TBCD: variants seen among roughly 807,000 people sequenced by gnomAD.
TBCD encodes the protein tubulin-specific chaperone D.
In TBCD, 105 loss-of-function variants were observed where a neutral mutation model predicts 169.3. The ratio of observed to expected loss-of-function variants is 0.62; its 90% CI spans 0.53 to 0.73. The LOEUF (loss-of-function observed/expected upper bound fraction) is 0.73. TBCD is among the 30% of genes least tolerant of loss of function. The pLI is 0.00. For synonymous variants in TBCD, 700 were observed against 643.9 expected (o/e 1.09, Z -1.32); for missense variants, 1,444 against 1,600.1 (o/e 0.90, Z 1.66).
chr17:82,776,786 C>T (rs1339417946), intron 6 of TBCD, among the ~76,000 whole-genome samples: 1 of 152,196 alleles, frequency 6.6e-6, no homozygotes, highest in African/African-American at 2.4e-5. Context: ...GTCTGCACAC[C>T]TGGTGGCTCT....
In TBCD at chr17:82,927,270, G is replaced by C. The variant is rs1426711094; in HGVS notation, c.2556G>C (p.Leu852=). 6.2e-7 allele frequency: 1 copy of C among 1,614,026 alleles called. No homozygotes were observed. Among genetic ancestry groups the C allele is most frequent in the East Asian group, 2.2e-5 (1 of 44,888 alleles). The stretch of plus-strand genomic sequence containing the variant: ...ATGTTTCCCAGATTTACTGTGCGCT[G>C]CTGGGCTGCATGGACGACTACACCA... ...GENVSQIYCA[L]LGCMDDYTTD... is the part of the protein sequence containing the mutation. Residue 852 remains leucine, a synonymous_variant, in exon 29 of 39, where the codon CTG becomes CTC. Coordinates refer to ENST00000355528, the MANE Select transcript of TBCD (RefSeq NM_005993.5).
At chr17:82,892,246 C>G (rs959370588) in intron 16 of TBCD, among the ~76,000 whole-genome samples, 1 of 152,120 alleles carries the variant, frequency 6.6e-6, no homozygotes, top group East Asian at 1.9e-4. Flanking sequence ...GGATGTTTCC[C>G]TGGGCTCCTG....
chr17:82,887,443 C>G (rs2058834874), intron 15 of TBCD, among the ~76,000 whole-genome samples: 1 of 152,160 alleles, frequency 6.6e-6, no homozygotes, highest in African/African-American at 2.4e-5. Context: ...CTCGGCACAG[C>G]TCTCTGGAGA....
intron 13 of TBCD, chr17:82,829,926 T>C: frequency 1.3e-6 from 1 of 743,266 alleles, no homozygotes; most frequent in Admixed American, 2.9e-5. Flanking sequence ...TCAGGTGTTT[T>C]TACAACCAAA....
chr17:82,920,805 C>T lies in TBCD; in HGVS notation c.2101+187C>T, dbSNP rs1399204277. ...AAATAATGGGTACCCACCGCCCTCT[C>T]CCCCCAACACAGGAGGGCCCTTCCC... On this transcript the variant is annotated intron_variant, in intron 24 of 38. Coordinates refer to ENST00000355528, the MANE Select transcript of TBCD (RefSeq NM_005993.5). The surrounding 1 kb of genome is among the most constrained non-coding windows in gnomAD (Gnocchi z 4.1). Among the ~76,000 whole-genome samples, 1 of 152,138 alleles carries T rather than the reference C, an allele frequency of 6.6e-6. No individual in the cohort carries two copies. The highest frequency in any genetic ancestry group is 1.5e-5 in the Non-Finnish European group (1 of 68,018).
chr17:82,905,893 A>G (rs774549476), intron 19 of TBCD, 43 bp from the exon 20 acceptor site: 32 of 1,504,284 alleles, frequency 2.1e-5, no homozygotes, highest in African/African-American at 1.7e-4. Flanking sequence ...GGCCGTCCAC[A>G]TGTACACACC....
At chr17:82,852,455 G>A (rs2055877648) in intron 13 of TBCD, among the ~76,000 whole-genome samples, 1 of 152,128 alleles carries the variant, frequency 6.6e-6, no homozygotes, top group Non-Finnish European at 1.5e-5. Flanking sequence ...GTCCAAGGTC[G>A]AGGTGCCAGC....
chr17:82,846,692 C>G (rs900119859), intron 13 of TBCD, among the ~76,000 whole-genome samples: 5 of 152,208 alleles, frequency 3.3e-5, no homozygotes, highest in Non-Finnish European at 5.9e-5. Context: ...CCCCCGTCAC[C>G]TCGGAGCAGC....
chr17:82,793,249 T>C (rs768127738), intron 7 of TBCD, among the ~76,000 whole-genome samples: 5 of 152,216 alleles, frequency 3.3e-5, no homozygotes, highest in Admixed American at 1.3e-4. Context: ...GTGGTGGTCC[T>C]GAGGGGAGTG....
At chr17:82,932,148 A>C (rs1046245919) in intron 33 of TBCD, 1 of 216,454 alleles carries the variant, frequency 4.6e-6, no homozygotes, top group Non-Finnish European at 9.3e-6. Context: ...TGGTGTGTCT[A>C]AGACAGCTTG....
chr17:82,919,602 G>A (rs1265173505), intron 23 of TBCD, among the ~76,000 whole-genome samples: 1 of 152,050 alleles, frequency 6.6e-6, no homozygotes, highest in African/African-American at 2.4e-5. Context: ...TGAGGGTGCC[G>A]GCCTCACCTC....
At chr17:82,759,458 C>T (rs1280898242) in intron 2 of TBCD, among the ~76,000 whole-genome samples, 3 of 152,060 alleles carry the variant, frequency 2.0e-5, no homozygotes, top group Non-Finnish European at 2.9e-5. Context: ...TGCACTCCAG[C>T]GTGGGCTACA....
At chr17:82,797,636 GGT>G (rs1235069267) in intron 7 of TBCD, 119 bp from the exon 8 acceptor site, 4 of 714,778 alleles carry the variant, frequency 5.6e-6, no homozygotes, top group African/African-American at 5.4e-5. Flanking sequence ...TTTATTATTA[GGT>G]GGTGAGTGTT....
intron 13 of TBCD, among the ~76,000 whole-genome samples, chr17:82,834,345 G>C (rs1474513084): frequency 2.0e-5 from 3 of 152,236 alleles, no homozygotes; most frequent in African/African-American, 7.2e-5. Context: ...GTGAGTGGGA[G>C]ATGGGGTGGA....
chr17:82,761,794 C>T (rs560108738), intron 2 of TBCD, among the ~76,000 whole-genome samples: 149 of 150,970 alleles, frequency 9.9e-4, no homozygotes, highest in African/African-American at 2.9e-3. Context: ...GGTGCGATCT[C>T]GGCTCACTGC....
At position 82,929,234 on chromosome 17, in the gene TBCD, G is replaced by T; in HGVS notation, c.2815G>T (p.Val939Leu). Reference sequence around the variant, plus strand: ...CTTTGACAGCCCTCCCATCCCCCACGTGCCCCACCGAGGAGAACTGGAAAA... The same window carrying T: ...CTTTGACAGCCCTCCCATCCCCCACTTGCCCCACCGAGGAGAACTGGAAAA... ...LHFDSPPIPH[V>L]PHRGELEKLF... The change falls in exon 31 of 39, where the codon GTG becomes TTG. Residue 939 changes from valine to leucine, a missense_variant. Physicochemically the swap from Val to Leu is conservative, Grantham distance 32. Coordinates refer to ENST00000355528, the MANE Select transcript of TBCD (RefSeq NM_005993.5). 1 of 1,613,808 alleles carries T rather than the reference G, an allele frequency of 6.2e-7. No individual in the cohort carries two copies. The highest frequency in any genetic ancestry group is 1.1e-5 in the South Asian group (1 of 91,060).
intron 13 of TBCD, chr17:82,865,356 AG>A: frequency 1.5e-6 from 1 of 650,890 alleles, no homozygotes; most frequent in Non-Finnish European, 1.9e-6. Flanking sequence ...CTGCACCGGC[AG>A]GCTCCACGCT....
intron 12 of TBCD, among the ~76,000 whole-genome samples, chr17:82,814,341 C>T (rs931049370): frequency 2.6e-5 from 4 of 152,160 alleles, no homozygotes; most frequent in Non-Finnish European, 1.5e-5. Context: ...GTACTTGGAG[C>T]GACACCACTG....
chr17:82,906,290 G>A (rs1339580557), intron 20 of TBCD, among the ~76,000 whole-genome samples: 2 of 152,194 alleles, frequency 1.3e-5, no homozygotes, highest in Non-Finnish European at 2.9e-5. Context: ...TGCAGCACCC[G>A]GATGGGCCGG....
Sources: gnomAD v4.1 joint callset for allele counts (sites outside exome capture counted in the v4.1 genomes callset) on GRCh38, gnomAD v4.1.1 for gene constraint, Gnocchi (gnomAD v3.1) non-coding constraint, MANE v1.5 for transcripts, NCBI Gene and HGNC (gene_info 2026-07-23, HGNC 2026-07-21) for gene names.